The following FRK variants were observed in gnomAD, a reference collection of about 807,000 sequenced individuals.
FRK encodes fyn related Src family tyrosine kinase.
In FRK, 51 loss-of-function variants were observed where a neutral mutation model predicts 56.4. The ratio of observed to expected loss-of-function variants is 0.90; its 90% CI spans 0.72 to 1.14. FRK has a LOEUF of 1.14. FRK is among the 50% of genes most tolerant of loss of function. The pLI, the probability that FRK is intolerant of heterozygous loss-of-function variation, is 0.00. For synonymous variants in FRK, 245 were observed against 217.9 expected (o/e 1.12, Z -1.10); for missense variants, 570 against 601.4 (o/e 0.95, Z 0.55).
chr6:115,967,570 T>C lies in FRK; in HGVS notation c.780A>G (p.Ala260=). 1 of 1,613,332 alleles carries C rather than the reference T, an allele frequency of 6.2e-7. No homozygotes were observed. Among genetic ancestry groups the C allele is most frequent in the Non-Finnish European group, 8.5e-7 (1 of 1,179,636 alleles). Residue 260 remains alanine (A), a synonymous_variant, in exon 4 of 8, where the codon GCA becomes GCG. Coordinates refer to ENST00000606080, the MANE Select transcript of FRK (RefSeq NM_002031.3). ...EGLWNNTTPV[A]VKTLKPGSMD... ...TCGCACCTGGTTTTAATGTTTTCAC[T>C]GCTACTGGAGTGGTATTGTTCCACA...
the FRK span, among the ~76,000 whole-genome samples, chr6:116,086,872 A>G: frequency 2.0e-5 from 3 of 152,230 alleles, no homozygotes; most frequent in Admixed American, 2.0e-4. Context: ...CGAAGTCCCC[A>G]TCTGAAATAA....
chr6:116,006,682 G>T (rs536610924), intron 1 of FRK, among the ~76,000 whole-genome samples: 1 of 152,120 alleles, frequency 6.6e-6, no homozygotes, highest in African/African-American at 2.4e-5. Context: ...CAATGACTGG[G>T]CATGGTGGTA....
the FRK span, among the ~76,000 whole-genome samples, chr6:116,068,617 A>T: frequency 6.6e-6 from 1 of 152,148 alleles, no homozygotes; most frequent in Non-Finnish European, 1.5e-5. Flanking sequence ...TTCCTGACCA[A>T]TGATGACGGA....
intron 2 of FRK, among the ~76,000 whole-genome samples, chr6:115,993,990 C>G (rs1192156125): frequency 6.6e-6 from 1 of 151,914 alleles, no homozygotes; most frequent in Non-Finnish European, 1.5e-5. Context: ...AATTATGTCT[C>G]AAATGTAGGA....
the FRK span, among the ~76,000 whole-genome samples, chr6:116,073,899 A>G: frequency 6.6e-6 from 1 of 152,188 alleles, no homozygotes; most frequent in East Asian, 1.9e-4. Flanking sequence ...GAGAGTTCCA[A>G]ATTCTGGCTC....
chr6:116,079,623 C>T, the FRK span, among the ~76,000 whole-genome samples: 4 of 152,062 alleles, frequency 2.6e-5, no homozygotes, highest in African/African-American at 9.7e-5. Context: ...CAGAATCTTG[C>T]TCTGTCACCC....
chr6:115,946,949 G>T (rs1772479981), intron 5 of FRK, among the ~76,000 whole-genome samples: 2 of 152,116 alleles, frequency 1.3e-5, no homozygotes, highest in Admixed American at 1.3e-4. Context: ...CAGGTATAAG[G>T]ATTTGAGGGC....
chr6:116,002,350 G>A (rs1004319560), intron 2 of FRK, among the ~76,000 whole-genome samples: 1 of 152,200 alleles, frequency 6.6e-6, no homozygotes, highest in African/African-American at 2.4e-5. Flanking sequence ...CAGGCATGGT[G>A]ACTCACGCCT....
intron 1 of FRK, among the ~76,000 whole-genome samples, chr6:116,025,984 A>C (rs1196623091): frequency 1.3e-5 from 2 of 152,192 alleles, no homozygotes; most frequent in African/African-American, 2.4e-5. Context: ...TACATTCTTC[A>C]CAGGGTTATT....
At chr6:115,976,681 T>C (rs767257455) in intron 2 of FRK, among the ~76,000 whole-genome samples, 1 of 152,154 alleles carries the variant, frequency 6.6e-6, no homozygotes, top group East Asian at 1.9e-4. Context: ...ACTCCCCTAA[T>C]CTTATTCTGC....
intron 1 of FRK, among the ~76,000 whole-genome samples, chr6:116,014,565 A>T (rs1775581416): frequency 1.3e-5 from 2 of 152,088 alleles, no homozygotes; most frequent in Non-Finnish European, 2.9e-5. Flanking sequence ...AGGGAAAAAA[A>T]AAAAACCCAA....
intron 1 of FRK, among the ~76,000 whole-genome samples, chr6:116,016,682 G>A (rs1246254892): frequency 6.6e-6 from 1 of 152,104 alleles, no homozygotes; most frequent in Admixed American, 6.5e-5. Flanking sequence ...GACCTGGTCT[G>A]CTACAGGTCA....
chr6:116,045,448 A>G (rs1776911518), intron 1 of FRK, among the ~76,000 whole-genome samples: 1 of 152,214 alleles, frequency 6.6e-6, no homozygotes, highest in South Asian at 2.1e-4. Flanking sequence ...CAAACATCTG[A>G]TCTTTAACAA....
chr6:116,035,231 T>C (rs146026330), intron 1 of FRK, among the ~76,000 whole-genome samples: 4 of 152,116 alleles, frequency 2.6e-5, no homozygotes, highest in Admixed American at 2.6e-4. Flanking sequence ...ACTGATTTTG[T>C]TTGCTGCTGC....
intron 2 of FRK, among the ~76,000 whole-genome samples, chr6:115,998,324 T>C (rs749997035): frequency 2.6e-5 from 4 of 152,188 alleles, no homozygotes; most frequent in African/African-American, 9.7e-5. Context: ...ACCAATTACT[T>C]TCTGCCTAAA....
In FRK at chr6:116,056,195, A is replaced by G. The variant is rs369707656; in HGVS notation, c.344+3773T>C. Among the ~76,000 whole-genome samples, 3 of 148,752 alleles carry G rather than the reference A, an allele frequency of 2.0e-5. No homozygotes were observed. In the South Asian group the frequency reaches 6.4e-4, roughly 32 times the overall value. The stretch of plus-strand genomic sequence containing the variant: ...TTAACAATTAAGCAAAAAATTGTTC[A>G]TTTGGTTTTTTTTTTTTTTTTTGGT... On this transcript the variant is annotated intron_variant, in intron 1 of 7. Coordinates refer to ENST00000606080, the MANE Select transcript of FRK (RefSeq NM_002031.3).
rs1265874833 is a variant in FRK at position 115,943,115 on chromosome 6, G to A, written c.1211C>T (p.Ala404Val). ...AATGCTGAATTTATTACTACGAATG[G>A]CTTCGGGCGCAGTCCACTTCACCGG... ...KLPVKWTAPE[A>V]IRSNKFSIKS... The change falls in exon 7 of 8, where the codon GCC (alanine) becomes GTC (valine). Residue 404 changes from alanine to valine, a missense_variant. Coordinates refer to ENST00000606080, the MANE Select transcript of FRK (RefSeq NM_002031.3). The A allele has an allele frequency of 3.7e-6, 6 of 1,613,150 alleles. No homozygotes were observed. The South Asian group carries it at 6.6e-5, about 18-fold the overall frequency.
chr6:116,088,918 T>A, the FRK span, among the ~76,000 whole-genome samples: 1 of 152,194 alleles, frequency 6.6e-6, no homozygotes, highest in East Asian at 1.9e-4. Context: ...GAGCCCCACA[T>A]TGACTGGATC....
At position 115,958,814 on chromosome 6, in the gene FRK, GAAAGAA is replaced by G. The variant is rs1351508495; in HGVS notation, c.800-2210_800-2205del. Among the ~76,000 whole-genome samples the G allele has an allele frequency of 9.5e-5, 7 of 73,898 alleles. 1 individual carries two copies. Among genetic ancestry groups the G allele is most frequent in the Admixed American group, 6.6e-4 (5 of 7,612 alleles). 48.5% of individuals were successfully genotyped at this position (73,898 alleles called of 152,430 possible). ...AAAGAAAGAAAAAGAAAGAAAGAAAGAAAGAAAAAGAAAGAAAGAAAGAAAGAGAAA... is the reference window on the plus strand; with the variant it reads ...AAAGAAAGAAAAAGAAAGAAAGAAAGAAAGAAAGAAAGAAAGAAAGAGAAA... On this transcript the variant is annotated intron_variant, in intron 4 of 7. Coordinates refer to ENST00000606080, the MANE Select transcript of FRK (RefSeq NM_002031.3).
Sources: gnomAD v4.1 joint callset for allele counts (sites outside exome capture counted in the v4.1 genomes callset) on GRCh38, gnomAD v4.1.1 for gene constraint, MANE v1.5 for transcripts, NCBI Gene and HGNC (gene_info 2026-07-23, HGNC 2026-07-21) for gene names.